CCL26: variants seen among roughly 807,000 people sequenced by gnomAD.
CCL26 encodes C-C motif chemokine ligand 26.
Under a neutral mutation model 10.7 loss-of-function variants are expected in CCL26, and 10 were observed. The ratio of observed to expected loss-of-function variants is 0.93; its 90% CI spans 0.57 to 1.58. The LOEUF (loss-of-function observed/expected upper bound fraction) is 1.58, where lower values mean the gene tolerates loss of function less well. Ranked by LOEUF, CCL26 falls within the 40% of genes most tolerant of loss-of-function variation. The pLI is 0.00. For missense variants in CCL26, 116 were observed against 111.0 expected (o/e 1.05, Z -0.20); for synonymous variants, 43 against 41.4 (o/e 1.04, Z -0.15).
At chr7:75,770,769 G>A (rs892423640) in intron 2 of CCL26, among the ~76,000 whole-genome samples, 1 of 149,746 alleles carries the variant, frequency 6.7e-6, no homozygotes, top group Non-Finnish European at 1.5e-5. Flanking sequence ...TCCGCCTCCC[G>A]GGTTCAAGCG....
At chr7:75,778,849 G>C (rs7798330) in intron 1 of CCL26, among the ~76,000 whole-genome samples, 13 of 78,376 alleles carry the variant, frequency 1.7e-4, no homozygotes, top group South Asian at 3.3e-4. Flanking sequence ...AGGCCAAGGT[G>C]GGGGGGGCAG....
At chr7:75,772,235 T>C, upstream of CCL26, 3 of 1,262,312 alleles carry the variant, frequency 2.4e-6, no homozygotes, top group South Asian at 3.9e-5. Context: ...CTGATCCCCT[T>C]TTATGAGACT....
chr7:75,789,994 G>A (rs1050641474), upstream of CCL26: 78 of 125,416 alleles, frequency 6.2e-4, no homozygotes, highest in African/African-American at 2.3e-3. Flanking sequence ...TACGTCTTAC[G>A]GTTCTCCCTC....
At chr7:75,786,090 C>A (rs1803179015) in intron 1 of CCL26, among the ~76,000 whole-genome samples, 2 of 152,212 alleles carry the variant, frequency 1.3e-5, no homozygotes, top group Non-Finnish European at 2.9e-5. Context: ...CTGGCTCCTT[C>A]AGCTATACTC....
rs1554528198 is a variant in CCL26 at position 75,772,120 on chromosome 7, G to C, written c.57C>G (p.His19Gln). The change falls in exon 1 of 3, where the codon CAC becomes CAG. Residue 19 changes from histidine (H) to glutamine (Q), a missense_variant. Transcript: ENST00000005180. ...AVLLASLLSL[H>Q]LGTATRGSDI... is the part of the protein sequence containing the mutation. ...GCTACGTACGTGTGGCAGTTCCAAG[G>C]TGGAGACTCAGGAGGGAGGCCAGGA... 1.3e-6 allele frequency: 2 copies of C among 1,570,324 alleles called. No individual in the cohort carries two copies. Among genetic ancestry groups the C allele is most frequent in the East Asian group, 4.8e-5 (2 of 42,024 alleles).
chr7:75,782,091 C>G (rs1243935996), intron 1 of CCL26, among the ~76,000 whole-genome samples: 1 of 152,188 alleles, frequency 6.6e-6, no homozygotes, highest in Non-Finnish European at 1.5e-5. Flanking sequence ...TAAGTGGCCT[C>G]TTTTTACTCT....
chr7:75,771,892 AC>A lies in CCL26; in HGVS notation c.184del (p.Val62Ter). On this transcript the variant is annotated frameshift_variant, in exon 2 of 3. Transcript: ENST00000005180. LOFTEE classifies it high-confidence loss of function. ...AGTACGTCCGAGAAATACTCACATC[AC>A]AGCCCGCTGGGAGCAGCTGTTACTG... The part of the protein sequence containing the change: ...FTSNSCSQRA[V>X]IFTTKRGKKV... 1 of 1,609,362 alleles carries A rather than the reference AC, an allele frequency of 6.2e-7. No homozygotes were observed. Among genetic ancestry groups the A allele is most frequent in the Non-Finnish European group, 8.5e-7 (1 of 1,175,660 alleles).
At chr7:75,771,645 G>C (rs551896868) in intron 2 of CCL26, among the ~76,000 whole-genome samples, 150 of 152,330 alleles carry the variant, frequency 9.8e-4, no homozygotes, top group African/African-American at 3.5e-3. Flanking sequence ...GAACCCGGGA[G>C]GGGGAGGTTG....
intron 1 of CCL26, among the ~76,000 whole-genome samples, chr7:75,782,725 G>C (rs1357269216): frequency 6.6e-6 from 1 of 152,022 alleles, no homozygotes; most frequent in Non-Finnish European, 1.5e-5. Context: ...GATAATTTTT[G>C]TCGAAAAATG....
At chr7:75,790,053 C>CTCTT (rs1465000970), upstream of CCL26, among the ~76,000 whole-genome samples, 1 of 114,050 alleles carries the variant, frequency 8.8e-6, no homozygotes, top group Non-Finnish European at 1.7e-5. Flanking sequence ...CTCCCTACCT[C>CTCTT]TCTTTCTTTC....
At chr7:75,783,274 C>A (rs1222928387) in intron 1 of CCL26, among the ~76,000 whole-genome samples, 1 of 152,086 alleles carries the variant, frequency 6.6e-6, no homozygotes, top group African/African-American at 2.4e-5. Flanking sequence ...TAACTTCTAC[C>A]CTCTCCCCAG....
At chr7:75,786,135 C>T (rs1255580157) in intron 1 of CCL26, among the ~76,000 whole-genome samples, 1 of 152,188 alleles carries the variant, frequency 6.6e-6, no homozygotes, top group African/African-American at 2.4e-5. Context: ...TACCATTGTT[C>T]CTGGCCCAGA....
At chr7:75,774,971 G>C (rs1802904806), upstream of CCL26, among the ~76,000 whole-genome samples, 2 of 151,980 alleles carry the variant, frequency 1.3e-5, no homozygotes, top group African/African-American at 4.8e-5. Context: ...TGTAATGCCA[G>C]CACTTTGGTA....
At chr7:75,778,635 T>A (rs565648179) in intron 1 of CCL26, among the ~76,000 whole-genome samples, 1 of 151,294 alleles carries the variant, frequency 6.6e-6, no homozygotes, top group African/African-American at 2.4e-5. Context: ...GCACTTTTTT[T>A]TTTTTTTTTG....
intron 2 of CCL26, among the ~76,000 whole-genome samples, chr7:75,771,205 C>T (rs1428773249): frequency 6.6e-6 from 1 of 152,146 alleles, no homozygotes; most frequent in African/African-American, 2.4e-5. Context: ...TAAACCTCCC[C>T]ACCATGTACA....
intron 1 of CCL26, among the ~76,000 whole-genome samples, chr7:75,777,788 T>C (rs1376280273): frequency 6.8e-6 from 1 of 146,108 alleles, no homozygotes; most frequent in Non-Finnish European, 1.5e-5. Flanking sequence ...GGATTCCACC[T>C]GTGTAAAGTA....
intron 1 of CCL26, among the ~76,000 whole-genome samples, chr7:75,786,893 A>C (rs7797391): frequency 0.25 from 38,290 of 151,926 alleles, 4,965 homozygotes; most frequent in Middle Eastern, 0.31. Context: ...CCTCTTAGAA[A>C]CTCTCATTTC....
intron 1 of CCL26, among the ~76,000 whole-genome samples, chr7:75,778,802 G>A (rs539321194): frequency 1.3e-5 from 2 of 151,878 alleles, no homozygotes; most frequent in African/African-American, 4.8e-5. Flanking sequence ...GTCATGCCGG[G>A]CACGGTGGCT....
At chr7:75,773,207 T>A (rs1802868416), upstream of CCL26, among the ~76,000 whole-genome samples, 1 of 151,920 alleles carries the variant, frequency 6.6e-6, no homozygotes, top group Non-Finnish European at 1.5e-5. Flanking sequence ...ACAAATAATA[T>A]ATATATATAG....
Sources: gnomAD v4.1 joint callset for allele counts (sites outside exome capture counted in the v4.1 genomes callset) on GRCh38, gnomAD v4.1.1 for gene constraint, MANE v1.5 for transcripts, NCBI Gene and HGNC (gene_info 2026-07-23, HGNC 2026-07-21) for gene names.